Variants in AGBL4 observed in about 807,000 individuals in gnomAD.
AGBL4 encodes cytosolic carboxypeptidase 6.
In AGBL4, 58 loss-of-function variants were observed where a neutral mutation model predicts 66.4. That is an observed-to-expected ratio of 0.87 (90% CI 0.71 to 1.09). AGBL4 has a LOEUF of 1.09. Among genes scored for constraint, AGBL4 ranks in the 50% least tolerant of loss-of-function variants. The pLI is 0.00. For synonymous variants in AGBL4, 234 were observed against 222.9 expected (o/e 1.05, Z -0.44); for missense variants, 579 against 631.0 (o/e 0.92, Z 0.88).
chr1:49,724,888 C>T (rs1648898763), intron 2 of AGBL4, among the ~76,000 whole-genome samples: 1 of 151,978 alleles, frequency 6.6e-6, no homozygotes, highest in Admixed American at 6.6e-5. Context: ...GACTCTGCAG[C>T]CTCCAGAAAT....
chr1:48,630,636 G>A (rs567413738), intron 9 of AGBL4, among the ~76,000 whole-genome samples: 22 of 152,204 alleles, frequency 1.4e-4, no homozygotes, highest in Non-Finnish European at 2.8e-4. Flanking sequence ...TCTCTAGTTC[G>A]GCACCGTCCG....
Position 49,904,017 on chromosome 1 carries a change from T to C in AGBL4, c.35-52499A>G, listed in dbSNP as rs151331498. 3.4e-3 allele frequency among the ~76,000 whole-genome samples: 516 copies of C among 152,212 alleles called. 1 individual carries two copies. The highest frequency in any genetic ancestry group is 0.012 in the African/African-American group (486 of 41,534). ...GCAGACAATGGATACATTTATTCAT[T>C]AAGGAAATATGTATTAAATTTTCAC... On this transcript the variant is annotated intron_variant, in intron 1 of 13. Transcript: ENST00000371839.
intron 3 of AGBL4, among the ~76,000 whole-genome samples, chr1:49,630,153 T>C (rs562440149): frequency 6.6e-6 from 1 of 152,280 alleles, no homozygotes; most frequent in Admixed American, 6.5e-5. Flanking sequence ...TGAGTCCAGC[T>C]CTTTCACTAC....
chr1:48,606,116 C>A (rs1319824526), intron 9 of AGBL4, among the ~76,000 whole-genome samples: 3 of 151,738 alleles, frequency 2.0e-5, no homozygotes. Flanking sequence ...GCTTTCAGAG[C>A]CTTAAGACAA....
At chr1:49,916,948 G>T (rs950621904) in intron 1 of AGBL4, among the ~76,000 whole-genome samples, 24 of 152,250 alleles carry the variant, frequency 1.6e-4, no homozygotes, top group Non-Finnish European at 1.6e-4. Context: ...TTAAAGAAAA[G>T]AATTTTCAAC....
At chr1:48,579,572 C>A (rs1056747523) in intron 11 of AGBL4, among the ~76,000 whole-genome samples, 2 of 151,202 alleles carry the variant, frequency 1.3e-5, no homozygotes, top group Admixed American at 6.6e-5. Context: ...AACTGGGCAT[C>A]TTACTTGACT....
chr1:49,689,435 C>G (rs926710084), intron 3 of AGBL4, among the ~76,000 whole-genome samples: 1 of 152,126 alleles, frequency 6.6e-6, no homozygotes, highest in Non-Finnish European at 1.5e-5. Context: ...GTCTATGTGT[C>G]TGCTTTTATG....
chr1:49,200,360 T>C (rs1215180686), intron 4 of AGBL4, among the ~76,000 whole-genome samples: 1 of 152,178 alleles, frequency 6.6e-6, no homozygotes, highest in East Asian at 1.9e-4. Context: ...TGTCTAGGGG[T>C]TTACCCCTAC....
rs1434723325 is a variant in AGBL4, at chr1:49,948,315, T to G, written c.34+75448A>C. ...ATATAAAAATATATATAAATATATA[T>G]ATAAATATATAAACATATATAAATA... On this transcript the variant is annotated intron_variant, in intron 1 of 13. Transcript: ENST00000371839. 3.7e-5 allele frequency among the ~76,000 whole-genome samples: 4 copies of G among 109,386 alleles called. No homozygotes were observed. In the South Asian group the frequency reaches 7.6e-4, roughly 21 times the overall value. The allele number at this position is 109,386 out of a possible 152,430, so 71.8% of individuals were successfully genotyped here.
chr1:49,389,656 T>C (rs1038834498), intron 3 of AGBL4, among the ~76,000 whole-genome samples: 3 of 152,152 alleles, frequency 2.0e-5, no homozygotes, highest in African/African-American at 7.2e-5. Flanking sequence ...GATTCATTTA[T>C]AAATGCCACC....
chr1:48,634,571 G>A lies in AGBL4; in HGVS notation c.873C>T (p.His291=). The change falls in exon 9 of 14, where the codon CAC becomes CAT. Residue 291 remains histidine (H), a synonymous_variant. Coordinates refer to ENST00000371839, the MANE Select transcript of AGBL4 (RefSeq NM_032785.4). ...GGACCCATGGAGAGGGATCCAGCCAGTGACGATTCAGATCAAATCCCATCA... is the reference window on the plus strand; with the variant it reads ...GGACCCATGGAGAGGGATCCAGCCAATGACGATTCAGATCAAATCCCATCA... ...CSLMGFDLNR[H]WLDPSPWVHP... is the part of the protein sequence containing the mutation. 1.2e-6 allele frequency: 2 copies of A among 1,605,492 alleles called. No homozygotes were observed.
intron 4 of AGBL4, among the ~76,000 whole-genome samples, chr1:49,112,111 G>A (rs1387140038): frequency 6.6e-6 from 1 of 152,074 alleles, no homozygotes; most frequent in African/African-American, 2.4e-5. Context: ...TCTGAAAGGG[G>A]CAACATGTAT....
At chr1:49,623,350 G>T (rs1268172818) in intron 3 of AGBL4, among the ~76,000 whole-genome samples, 1 of 152,100 alleles carries the variant, frequency 6.6e-6, no homozygotes, top group African/African-American at 2.4e-5. Context: ...TACAAACACT[G>T]AGATTCCTTG....
chr1:49,820,062 T>C (rs1645329395), intron 2 of AGBL4, among the ~76,000 whole-genome samples: 1 of 152,132 alleles, frequency 6.6e-6, no homozygotes, highest in African/African-American at 2.4e-5. Context: ...TGTGTGAGAC[T>C]TCCCACATTC....
intron 5 of AGBL4, among the ~76,000 whole-genome samples, chr1:48,956,242 G>A (rs539126883): frequency 6.6e-6 from 1 of 152,260 alleles, no homozygotes; most frequent in African/African-American, 2.4e-5. Context: ...GCCCTCAGTG[G>A]CATCTGTCCA....
chr1:49,030,995 T>C (rs1301260271), intron 5 of AGBL4, among the ~76,000 whole-genome samples: 2 of 127,552 alleles, frequency 1.6e-5, no homozygotes, highest in Middle Eastern at 3.9e-3. Flanking sequence ...TTCAGTTAGA[T>C]AGCAGAAATA....
chr1:49,967,912 G>T (rs897986484), intron 1 of AGBL4, among the ~76,000 whole-genome samples: 14 of 151,904 alleles, frequency 9.2e-5, no homozygotes, highest in African/African-American at 3.4e-4. Flanking sequence ...AAGAACATGG[G>T]ATATACTTTA....
chr1:49,577,393 G>A (rs1173125440), intron 3 of AGBL4, among the ~76,000 whole-genome samples: 2 of 152,178 alleles, frequency 1.3e-5, no homozygotes, highest in Admixed American at 6.5e-5. Flanking sequence ...CCTGGCTATG[G>A]CCACTGCTGA....
chr1:49,301,790 G>A (rs164832), intron 3 of AGBL4, among the ~76,000 whole-genome samples: 7,701 of 152,026 alleles, frequency 0.051, 606 homozygotes, highest in African/African-American at 0.17. Flanking sequence ...CCAGACCGAT[G>A]ACCCCCACCC....
Sources: allele counts gnomAD v4.1 joint callset (sites outside exome capture counted in the v4.1 genomes callset), GRCh38; gene constraint gnomAD v4.1.1; transcripts MANE v1.5; gene names NCBI Gene and HGNC (gene_info 2026-07-23, HGNC 2026-07-21).